Variants in PHGDH observed in about 807,000 individuals in gnomAD.
PHGDH encodes the protein D-3-phosphoglycerate dehydrogenase.
In PHGDH, 50 loss-of-function variants were observed where a neutral mutation model predicts 52.6. The ratio of observed to expected loss-of-function variants is 0.95; its 90% CI spans 0.76 to 1.20. The LOEUF is 1.20. Ranked by LOEUF, PHGDH falls within the 50% of genes most tolerant of loss-of-function variation. The pLI is 0.00. For synonymous variants in PHGDH, 271 were observed against 280.5 expected (o/e 0.97, Z 0.34); for missense variants, 630 against 684.6 (o/e 0.92, Z 0.89).
At chr1:119,734,825 G>C in intron 6 of PHGDH, 59 bp downstream of exon 6, 1 of 1,586,242 alleles carries the variant, frequency 6.3e-7, no homozygotes, top group Non-Finnish European at 8.6e-7. Context: ...TTAACAAATG[G>C]GCCCTCCATC....
At chr1:119,741,459 G>GGGAGA (rs1652203530) in intron 9 of PHGDH, among the ~76,000 whole-genome samples, 1 of 152,222 alleles carries the variant, frequency 6.6e-6, no homozygotes, top group Non-Finnish European at 1.5e-5. Flanking sequence ...TGTGTCCCCT[G>GGGAGA]GGAGAATAAT....
chr1:119,733,818 C>T (rs991030462), intron 5 of PHGDH, among the ~76,000 whole-genome samples: 9 of 152,164 alleles, frequency 5.9e-5, no homozygotes, highest in Non-Finnish European at 1.2e-4. Context: ...ATCCTGGGCT[C>T]ACTCTTTACA....
chr1:119,732,789 G>T (rs1202767739), intron 5 of PHGDH, among the ~76,000 whole-genome samples: 1 of 152,224 alleles, frequency 6.6e-6, no homozygotes, highest in Non-Finnish European at 1.5e-5. Flanking sequence ...TGTCTGTGGA[G>T]GGGGCCAGGT....
At position 119,721,170 on chromosome 1, in the gene PHGDH, G is replaced by T. The variant is rs1168879177; in HGVS notation, c.139G>T (p.Asp47Tyr). The T allele has an allele frequency of 6.2e-7, 1 of 1,613,996 alleles. No individual in the cohort carries two copies. The change falls in exon 2 of 12, where the codon GAC (aspartate) becomes TAC (tyrosine). Residue 47 changes from aspartate (D) to tyrosine (Y), a missense_variant and splice_region_variant. Physicochemically the swap from Asp to Tyr is radical, Grantham distance 160. Transcript: ENST00000641023. ...SKEELIAELQ[D>Y]CEGLIVRSAT... The stretch of plus-strand genomic sequence containing the variant: ...GACCCAAATGTTTTTTCTGCTTCAG[G>T]ACTGTGAAGGCCTTATTGTTCGCTC...
intron 9 of PHGDH, 25 bp downstream of exon 9, chr1:119,740,543 A>T: frequency 2.6e-6 from 4 of 1,534,062 alleles, no homozygotes; most frequent in Non-Finnish European, 3.5e-6. Flanking sequence ...TTGCAGAGGG[A>T]GGGGGAGGAG....
At chr1:119,714,357 A>G (rs1480813334) in intron 1 of PHGDH, 2 of 152,142 alleles carry the variant, frequency 1.3e-5, no homozygotes, top group African/African-American at 4.8e-5. Flanking sequence ...AAGTACAATC[A>G]TTCCTCCCTG....
intron 1 of PHGDH, among the ~76,000 whole-genome samples, chr1:119,716,846 CA>C (rs987573559): frequency 6.6e-6 from 1 of 152,058 alleles, no homozygotes; most frequent in African/African-American, 2.4e-5. Flanking sequence ...AGTTGCCCTC[CA>C]AAAAGGTCAT....
At position 119,726,947 on chromosome 1, in the gene PHGDH, C is replaced by G. The variant is rs748093778; in HGVS notation, c.411+42C>G. The G allele has an allele frequency of 5.6e-6, 9 of 1,607,046 alleles. No individual in the cohort carries two copies. In the East Asian group the frequency reaches 1.6e-4, roughly 28 times the overall value. ...ACTCGCCCCACCTGGGCTCAGGGCC[C>G]GGGGTCCACTCATGTTGCTGACTTC... is the stretch of plus-strand genomic sequence containing the variant. On this transcript the variant is annotated intron_variant, in intron 4 of 11. Transcript: ENST00000641023.
At chr1:119,724,051 AG>A (rs1454757496) in intron 3 of PHGDH, among the ~76,000 whole-genome samples, 5 of 152,148 alleles carry the variant, frequency 3.3e-5, no homozygotes, top group Non-Finnish European at 5.9e-5. Flanking sequence ...CAGGAGTTCC[AG>A]GCCTCTTGAG....
In PHGDH at chr1:119,744,071, G is replaced by A; in HGVS notation, c.*31G>A. 6.2e-7 allele frequency: 1 copy of A among 1,610,612 alleles called. No homozygotes were observed. The highest frequency in any genetic ancestry group is 8.5e-7 in the Non-Finnish European group (1 of 1,176,868). ...GAGCTCACTGGTCCCTGCCTCTGGG[G>A]CTTTTCTGAAGAAACCCACCCACTG... On this transcript the variant is annotated 3_prime_UTR_variant, in exon 12 of 12. Coordinates refer to ENST00000641023, the MANE Select transcript of PHGDH (RefSeq NM_006623.4).
At chr1:119,736,086 A>G (rs186216506) in intron 7 of PHGDH, among the ~76,000 whole-genome samples, 18 of 152,330 alleles carry the variant, frequency 1.2e-4, no homozygotes, top group Admixed American at 8.5e-4. Context: ...GGGAAAGGAC[A>G]TGGACTTTGG....
intron 2 of PHGDH, among the ~76,000 whole-genome samples, chr1:119,722,859 C>T (rs1218596951): frequency 6.7e-6 from 1 of 148,930 alleles, no homozygotes; most frequent in African/African-American, 2.5e-5. Flanking sequence ...TGTGATCATG[C>T]CAGTACACTC....
intron 6 of PHGDH, 112 bp from the exon 7 acceptor site, chr1:119,735,183 G>C: frequency 1.4e-6 from 2 of 1,406,206 alleles, no homozygotes; most frequent in Non-Finnish European, 1.0e-6. Context: ...TCCAGCAGGA[G>C]AGAGGCTCTG....
intron 5 of PHGDH, chr1:119,729,927 G>C (rs1392802268): frequency 1.3e-5 from 2 of 152,138 alleles, no homozygotes; most frequent in African/African-American, 4.8e-5. Context: ...ATTCTTAACT[G>C]TCTTGCTTCC....
chr1:119,728,839 A>G (rs1190245377), intron 5 of PHGDH, among the ~76,000 whole-genome samples: 1 of 152,262 alleles, frequency 6.6e-6, no homozygotes, highest in African/African-American at 2.4e-5. Flanking sequence ...AGTTTTGACA[A>G]CCAGATCATG....
At chr1:119,742,608 G>A (rs1652260109) in intron 10 of PHGDH, 199 bp from the exon 11 acceptor site, 3 of 635,806 alleles carry the variant, frequency 4.7e-6, no homozygotes, top group Non-Finnish European at 2.9e-6. Flanking sequence ...CCTTTAAGGA[G>A]ATCATTGGCT....
chr1:119,735,286 T>A lies in PHGDH; in HGVS notation c.644-9T>A, dbSNP rs1388567211. The A allele has an allele frequency of 3.1e-6, 5 of 1,614,072 alleles. No homozygotes were observed. The highest frequency in any genetic ancestry group is 4.2e-6 in the Non-Finnish European group (5 of 1,180,040). On this transcript the variant is annotated splice_polypyrimidine_tract_variant and intron_variant, in intron 6 of 11. Coordinates refer to ENST00000641023, the MANE Select transcript of PHGDH (RefSeq NM_006623.4). ...TGCCCCAGCAGGAAGATGCTTCGCT[T>A]TCTTCCAGGCTTGCTGAATGACAAC...
rs149175408 is a variant in PHGDH, at chr1:119,737,231, G to A, written c.910G>A (p.Val304Met). The A allele has an allele frequency of 5.3e-5, 85 of 1,614,048 alleles. No homozygotes were observed. The highest frequency in any genetic ancestry group is 6.8e-5 in the Non-Finnish European group (80 of 1,179,994). Reference protein sequence around the residue: ...RCGEEIAVQFVDMVKGKSLTG... With the variant: ...RCGEEIAVQFMDMVKGKSLTG... ...TGGGGAGGAAATTGCTGTTCAGTTC[G>A]TGGACATGGTGAAGGGGAAATCTCT... Residue 304 changes from valine (V) to methionine (M), a missense_variant, in exon 8 of 12, where the codon GTG becomes ATG. Physicochemically the swap from Val to Met is conservative, Grantham distance 21 (BLOSUM62 1). Coordinates refer to ENST00000641023, the MANE Select transcript of PHGDH (RefSeq NM_006623.4).
In PHGDH at chr1:119,744,080, A is replaced by T. The variant is rs1176157110; in HGVS notation, c.*40A>T. Reference sequence around the variant, plus strand: ...GGTCCCTGCCTCTGGGGCTTTTCTGAAGAAACCCACCCACTGTGATCAATA... The same window carrying T: ...GGTCCCTGCCTCTGGGGCTTTTCTGTAGAAACCCACCCACTGTGATCAATA... On this transcript the variant is annotated 3_prime_UTR_variant, in exon 12 of 12. Coordinates refer to ENST00000641023, the MANE Select transcript of PHGDH (RefSeq NM_006623.4). The T allele has an allele frequency of 6.9e-6, 11 of 1,595,150 alleles. No individual in the cohort carries two copies. The highest frequency in any genetic ancestry group is 9.5e-6 in the Non-Finnish European group (11 of 1,162,930).
Sources: allele counts gnomAD v4.1 joint callset (sites outside exome capture counted in the v4.1 genomes callset), GRCh38; gene constraint gnomAD v4.1.1; transcripts MANE v1.5; gene names NCBI Gene and HGNC (gene_info 2026-07-23, HGNC 2026-07-21).